The following IRS1 variants were observed in gnomAD, a reference collection of about 807,000 sequenced individuals.
The protein encoded by IRS1 is insulin receptor substrate 1.
In IRS1, 34 loss-of-function variants were observed where a neutral mutation model predicts 65.6. The observed-to-expected ratio is 0.52, with a 90% CI of 0.39 to 0.69. The LOEUF (loss-of-function observed/expected upper bound fraction) is 0.69. IRS1 is among the 30% of genes least tolerant of loss of function. The pLI is 0.00. For missense variants in IRS1, 1,641 were observed against 1,720.2 expected, an observed-to-expected ratio of 0.95 and a Z score of 0.81; for synonymous variants, 699 against 683.5, an observed-to-expected ratio of 1.02 and a Z score of -0.35.
At chr2:226,766,138 TATATATATATATA>T (rs1282230866) in intron 1 of IRS1, among the ~76,000 whole-genome samples, 63 of 4,002 alleles carry the variant, frequency 0.016, 6 homozygotes, top group Non-Finnish European at 0.033. Context: ...TATATATATA[TATATATATATATA>T]TATATATATA....
chr2:226,779,382 C>A (rs59006451), intron 1 of IRS1, among the ~76,000 whole-genome samples: 11,420 of 152,118 alleles, frequency 0.075, 702 homozygotes, highest in African/African-American at 0.17. Flanking sequence ...TCCTATGGTC[C>A]AACATTCATT....
chr2:226,785,829 G>T (rs1347681258), intron 1 of IRS1, among the ~76,000 whole-genome samples: 4 of 150,428 alleles, frequency 2.7e-5, no homozygotes, highest in Non-Finnish European at 4.4e-5. Context: ...TGCCATGCTG[G>T]TGCGCTGCAC....
chr2:226,748,649 A>C (rs1351778079), intron 1 of IRS1, among the ~76,000 whole-genome samples: 1 of 150,314 alleles, frequency 6.7e-6, no homozygotes, highest in Non-Finnish European at 1.5e-5. Context: ...TGATCAAAAA[A>C]CAAACAAACA....
At chr2:226,752,413 A>G (rs1938703011) in intron 1 of IRS1, among the ~76,000 whole-genome samples, 1 of 152,260 alleles carries the variant, frequency 6.6e-6, no homozygotes, top group South Asian at 2.1e-4. Flanking sequence ...TTAGGAAGTC[A>G]GCCACAGATT....
At chr2:226,782,906 A>G (rs1311782053) in intron 1 of IRS1, among the ~76,000 whole-genome samples, 1 of 152,212 alleles carries the variant, frequency 6.6e-6, no homozygotes, top group Non-Finnish European at 1.5e-5. Flanking sequence ...GTGCTAAGGT[A>G]GGAGAATCGC....
rs1391708393 is a variant in IRS1, at chr2:226,734,569, A to G, written c.*1703T>C. 6.6e-6 allele frequency: 1 copy of G among 151,862 alleles called. No homozygotes were observed. Among genetic ancestry groups the G allele is most frequent in the East Asian group, 1.9e-4 (1 of 5,172 alleles). The allele number at this position is 151,862 out of a possible 1,614,324, so 9.4% of individuals were successfully genotyped here. On this transcript the variant is annotated 3_prime_UTR_variant, in exon 2 of 2. Transcript: ENST00000305123. ...CCCTGGCCCCTACCTTGTAGTCCCC[A>G]CTCCCACCCAGGGAGCTTAGGCGTT...
rs375630007 is a variant in IRS1 at position 226,771,039 on chromosome 2, A to G, written c.*21+23950T>C. Among the ~76,000 whole-genome samples, 22 of 152,232 alleles carry G rather than the reference A, an allele frequency of 1.4e-4. No homozygotes were observed. The East Asian group carries it at 3.9e-3, about 27-fold the overall frequency. ...CTCTCTTTAAAGTTCATGTATATATATATAACTTTTGGAGCATGAGAACTA... is the reference window on the plus strand; with the variant it reads ...CTCTCTTTAAAGTTCATGTATATATGTATAACTTTTGGAGCATGAGAACTA... On this transcript the variant is annotated intron_variant, in intron 1 of 1. Transcript: ENST00000305123.
chr2:226,766,155 ATATATATATTT>A (rs1229808994), intron 1 of IRS1, among the ~76,000 whole-genome samples: 1 of 5,498 alleles, frequency 1.8e-4, no homozygotes, highest in South Asian at 8.9e-3. Flanking sequence ...ATATATATAT[ATATATATATTT>A]TTTTTTTTTT....
intron 1 of IRS1, among the ~76,000 whole-genome samples, chr2:226,740,187 T>C (rs778233135): frequency 1.3e-5 from 2 of 152,246 alleles, no homozygotes; most frequent in Admixed American, 1.3e-4. Flanking sequence ...GAATAACTTC[T>C]GAAGGCAGAA....
At chr2:226,754,916 C>T (rs1399660662) in intron 1 of IRS1, among the ~76,000 whole-genome samples, 1 of 152,146 alleles carries the variant, frequency 6.6e-6, no homozygotes, top group African/African-American at 2.4e-5. Context: ...TATAAAAACA[C>T]TAAAATGAAA....
chr2:226,784,945 C>T (rs890850180), intron 1 of IRS1, among the ~76,000 whole-genome samples: 1 of 152,198 alleles, frequency 6.6e-6, no homozygotes, highest in East Asian at 1.9e-4. Context: ...TCTCCTTATT[C>T]CATTCCTGTC....
chr2:226,784,061 A>C (rs1014432359), intron 1 of IRS1, among the ~76,000 whole-genome samples: 1 of 151,934 alleles, frequency 6.6e-6, no homozygotes, highest in Non-Finnish European at 1.5e-5. Flanking sequence ...GAACCACTGC[A>C]TTCACCCTGA....
At chr2:226,771,397 A>G (rs557934889) in intron 1 of IRS1, among the ~76,000 whole-genome samples, 2 of 152,304 alleles carry the variant, frequency 1.3e-5, no homozygotes, top group Non-Finnish European at 2.9e-5. Context: ...AAAGCAAAAT[A>G]GAAAATGAGG....
rs1255533930 is a variant in IRS1 at position 226,733,073 on chromosome 2, T to C, written c.*3199A>G. 6.6e-6 allele frequency: 1 copy of C among 152,210 alleles called. No individual in the cohort carries two copies. The highest frequency in any genetic ancestry group is 1.5e-5 in the Non-Finnish European group (1 of 68,038). The allele number at this position is 152,210 out of a possible 1,614,324, so 9.4% of individuals were successfully genotyped here. A position where few individuals can be genotyped will look rare whatever the true frequency, so the allele number is the denominator to read the frequency against. On this transcript the variant is annotated 3_prime_UTR_variant, in exon 2 of 2. Coordinates refer to ENST00000305123, the MANE Select transcript of IRS1 (RefSeq NM_005544.3). ...ATGGTGAAACCCTTTCCCCCCTTTT[T>C]TTAACCACCTGCAGTAAATAAATAT...
intron 1 of IRS1, among the ~76,000 whole-genome samples, chr2:226,788,876 T>C (rs568566130): frequency 5.8e-4 from 88 of 152,168 alleles, no homozygotes; most frequent in Non-Finnish European, 1.0e-3. Flanking sequence ...TGCATAGCTA[T>C]GGACTAATAA....
intron 1 of IRS1, among the ~76,000 whole-genome samples, chr2:226,792,574 C>T (rs1939632998): frequency 6.6e-6 from 1 of 152,140 alleles, no homozygotes; most frequent in Non-Finnish European, 1.5e-5. Flanking sequence ...AAGTAGAGCT[C>T]CTGAGCTCAG....
At chr2:226,764,467 G>C (rs1476319233) in intron 1 of IRS1, among the ~76,000 whole-genome samples, 1 of 152,068 alleles carries the variant, frequency 6.6e-6, no homozygotes, top group Non-Finnish European at 1.5e-5. Flanking sequence ...CACTCAAGTC[G>C]AGGAGTGCGA....
chr2:226,775,397 C>T (rs560767581), intron 1 of IRS1, among the ~76,000 whole-genome samples: 49 of 152,224 alleles, frequency 3.2e-4, no homozygotes, highest in African/African-American at 1.1e-3. Flanking sequence ...TAGTAACAGC[C>T]GGACTTCACA....
intron 1 of IRS1, among the ~76,000 whole-genome samples, chr2:226,764,789 C>T (rs1410754461): frequency 6.6e-6 from 1 of 152,186 alleles, no homozygotes; most frequent in African/African-American, 2.4e-5. Flanking sequence ...GGTTTGATTG[C>T]TCATCTATAT....
Sources: gnomAD v4.1 joint callset for allele counts (sites outside exome capture counted in the v4.1 genomes callset) on GRCh38, gnomAD v4.1.1 for gene constraint, MANE v1.5 for transcripts, NCBI Gene and HGNC (gene_info 2026-07-23, HGNC 2026-07-21) for gene names.